Variants in PRKCD observed in about 807,000 individuals in gnomAD.
The protein encoded by PRKCD is protein kinase C delta type.
PRKCD carries 20 observed loss-of-function variants against 82.2 expected under a neutral mutation model. The ratio of observed to expected loss-of-function variants is 0.24; its 90% CI spans 0.17 to 0.35. The LOEUF is 0.35. Among genes scored for constraint, PRKCD ranks in the 10% least tolerant of loss-of-function variants. The pLI is 1.00. For missense variants in PRKCD, 607 were observed against 899.0 expected, an observed-to-expected ratio of 0.68 and a Z score of 4.15; for synonymous variants, 317 against 337.0, an observed-to-expected ratio of 0.94 and a Z score of 0.65.
intron 18 of PRKCD, among the ~76,000 whole-genome samples, chr3:53,190,846 G>A (rs1703900298): frequency 6.6e-6 from 1 of 152,238 alleles, no homozygotes; most frequent in African/African-American, 2.4e-5. Flanking sequence ...CTCAAACTCA[G>A]ACGTGTCCTG....
chr3:53,174,633 A>C (rs1703155522), intron 2 of PRKCD, among the ~76,000 whole-genome samples: 2 of 152,182 alleles, frequency 1.3e-5, no homozygotes, highest in South Asian at 2.1e-4. Context: ...AGAGAGGCCC[A>C]GGACCTCTCT....
At chr3:53,167,572 T>G (rs1553664084) in intron 2 of PRKCD, among the ~76,000 whole-genome samples, 1 of 152,228 alleles carries the variant, frequency 6.6e-6, no homozygotes, top group Non-Finnish European at 1.5e-5. Context: ...GAGATAATGA[T>G]AGCATCCATC....
At chr3:53,186,950 C>A (rs1703721720) in intron 14 of PRKCD, among the ~76,000 whole-genome samples, 1 of 152,232 alleles carries the variant, frequency 6.6e-6, no homozygotes, top group African/African-American at 2.4e-5. Context: ...ACAGCCAGGG[C>A]AGCCTTGCAA....
rs1231625043 is a variant in PRKCD, at chr3:53,185,587, C to G, written c.889-17C>G. ...ATGGTCTGACCATCTGGCCCCCCAC[C>G]TCTGCTCCCTCCCCAGAGAGCCTCC... On this transcript the variant is annotated splice_polypyrimidine_tract_variant and intron_variant, in intron 10 of 18. Transcript: ENST00000330452. 1 of 1,609,940 alleles carries G rather than the reference C, an allele frequency of 6.2e-7. No homozygotes were observed.
rs2230494 is a variant in PRKCD at position 53,186,199 on chromosome 3, G to A, written c.1119G>A (p.Glu373=). ...TTGGAGAGCTGAAGGGCAGAGGAGA[G>A]TACTTTGCCATCAAGGCCCTCAAGA... ...VLLGELKGRG[E]YFAIKALKKD... The change falls in exon 13 of 19, where the codon GAG becomes GAA. Residue 373 remains glutamate, a synonymous_variant. Transcript: ENST00000330452. 0.27 allele frequency: 438,594 copies of A among 1,613,704 alleles called. 60,470 individuals carry two copies. Among genetic ancestry groups the A allele is most frequent in the African/African-American group, 0.33 (24,538 of 74,952 alleles).
chr3:53,164,883 C>T (rs1424565343), intron 1 of PRKCD, among the ~76,000 whole-genome samples: 1 of 152,278 alleles, frequency 6.6e-6, no homozygotes, highest in East Asian at 1.9e-4. Flanking sequence ...GGCAGGGACA[C>T]AGTGTTCCAG....
Position 53,192,431 on chromosome 3 carries a change from A to G in PRKCD, c.*165A>G, listed in dbSNP as rs1320618963. On this transcript the variant is annotated 3_prime_UTR_variant, in exon 19 of 19. Transcript: ENST00000330452. ...GGCTCTCATGGTACTTCCTCTGTGA[A>G]CTGTGTGTGAATCTGCTTTTCCTCT... 1.4e-6 allele frequency: 1 copy of G among 698,334 alleles called. No individual in the cohort carries two copies. Among genetic ancestry groups the G allele is most frequent in the African/African-American group, 1.8e-5 (1 of 56,176 alleles). The allele number at this position is 698,334 out of a possible 1,614,324, so 43.3% of individuals were successfully genotyped here. A position where few individuals can be genotyped will look rare whatever the true frequency, so the allele number is the denominator to read the frequency against.
chr3:53,180,379 G>A (rs1703392295), intron 4 of PRKCD, among the ~76,000 whole-genome samples: 2 of 152,188 alleles, frequency 1.3e-5, no homozygotes, highest in South Asian at 4.1e-4. Context: ...GAGGCTGACG[G>A]TCTCATCTAC....
intron 14 of PRKCD, 29 bp from the exon 15 acceptor site, chr3:53,187,311 G>C: frequency 6.2e-7 from 1 of 1,613,844 alleles, no homozygotes; most frequent in South Asian, 1.1e-5. Context: ...CAGAGATCCC[G>C]GAACACTTTA....
Position 53,181,637 on chromosome 3 carries a change from T to C in PRKCD, c.539+31T>C, listed in dbSNP as rs1553667562. 1.9e-6 allele frequency: 3 copies of C among 1,613,730 alleles called. No individual in the cohort carries two copies. The Admixed American group carries it at 5.0e-5, about 27-fold the overall frequency. Reference sequence around the variant, plus strand: ...AACCGGCCATGCCCACTGGTGGTGGTGCAGGGTAGTGGGGGCCGATCCCGG... The same window carrying C: ...AACCGGCCATGCCCACTGGTGGTGGCGCAGGGTAGTGGGGGCCGATCCCGG... On this transcript the variant is annotated intron_variant, in intron 6 of 18. Transcript: ENST00000330452.
intron 2 of PRKCD, among the ~76,000 whole-genome samples, chr3:53,174,992 T>C (rs1320756786): frequency 6.6e-6 from 1 of 152,204 alleles, no homozygotes; most frequent in African/African-American, 2.4e-5. Flanking sequence ...CTCACCCTCC[T>C]GGGGCTTCTC....
chr3:53,190,080 G>A (rs1282311759), intron 18 of PRKCD, 79 bp downstream of exon 18: 9 of 1,567,744 alleles, frequency 5.7e-6, no homozygotes, highest in South Asian at 1.1e-5. Context: ...TCATTCACAC[G>A]CTTTCCACCT....
At chr3:53,189,445 A>T (rs571765083) in intron 17 of PRKCD, among the ~76,000 whole-genome samples, 199 bp downstream of exon 17, 1 of 152,300 alleles carries the variant, frequency 6.6e-6, no homozygotes, top group Admixed American at 6.5e-5. Context: ...TCAGCCTGAC[A>T]TGGTGACTAA....
At chr3:53,178,193 C>T (rs1250715646) in intron 2 of PRKCD, among the ~76,000 whole-genome samples, 1 of 152,200 alleles carries the variant, frequency 6.6e-6, no homozygotes, top group Non-Finnish European at 1.5e-5. Context: ...CTACCTTGGC[C>T]TCCCAAAGTG....
Position 53,192,672 on chromosome 3 carries a change from C to T in PRKCD, c.*406C>T, listed in dbSNP as rs1351646321. On this transcript the variant is annotated 3_prime_UTR_variant, in exon 19 of 19. Transcript: ENST00000330452. The stretch of plus-strand genomic sequence containing the variant: ...AAAAAAGGAGCACAAGCTGTTTGAA[C>T]CACCAGGTTTATTTGTGTGTCTAAA... 1.4e-5 allele frequency: 2 copies of T among 146,204 alleles called. No individual in the cohort carries two copies. Among genetic ancestry groups the T allele is most frequent in the African/African-American group, 5.1e-5 (2 of 39,496 alleles). The allele number at this position is 146,204 out of a possible 1,614,324, so 9.1% of individuals were successfully genotyped here.
intron 18 of PRKCD, among the ~76,000 whole-genome samples, chr3:53,191,162 G>T (rs548788039): frequency 6.6e-6 from 1 of 152,300 alleles, no homozygotes; most frequent in Admixed American, 6.5e-5. Flanking sequence ...AGCACTTTGG[G>T]AGGCTGAGGC....
chr3:53,168,846 C>CG, intron 2 of PRKCD, among the ~76,000 whole-genome samples: 1 of 10,636 alleles, frequency 9.4e-5, no homozygotes, highest in Admixed American at 7.9e-4. Flanking sequence ...AGGGGGGTGG[C>CG]GGGGGGCAGG....
At chr3:53,174,759 G>T (rs370408541) in intron 2 of PRKCD, among the ~76,000 whole-genome samples, 2 of 152,208 alleles carry the variant, frequency 1.3e-5, no homozygotes, top group African/African-American at 4.8e-5. Flanking sequence ...AGGAGGTTGG[G>T]TCTGACGCTA....
rs1553666893 is a variant in PRKCD at position 53,179,764 on chromosome 3, G to A, written c.303G>A (p.Lys101=). Residue 101 remains lysine, a synonymous_variant, in exon 4 of 19, where the codon AAG becomes AAA. Transcript: ENST00000330452. The stretch of plus-strand genomic sequence containing the variant: ...AGCGCTGCAAGAAGAACAATGGCAA[G>A]GCTGAGTTCTGGGTAAGGGGCGCAC... ...LAERCKKNNG[K]AEFWLDLQPQ... 6.4e-7 allele frequency: 1 copy of A among 1,564,822 alleles called. No homozygotes were observed. The highest frequency in any genetic ancestry group is 8.7e-7 in the Non-Finnish European group (1 of 1,153,576).
Sources: allele counts gnomAD v4.1 joint callset (sites outside exome capture counted in the v4.1 genomes callset), GRCh38; gene constraint gnomAD v4.1.1; transcripts MANE v1.5; gene names NCBI Gene and HGNC (gene_info 2026-07-23, HGNC 2026-07-21).